The following GLG1 variants were observed in gnomAD, a reference collection of about 807,000 sequenced individuals.
GLG1 encodes Golgi apparatus protein 1.
In GLG1, 38 loss-of-function variants were observed where a neutral mutation model predicts 160.5. The ratio of observed to expected loss-of-function variants is 0.24; its 90% CI spans 0.18 to 0.31. GLG1 has a LOEUF of 0.31. Ranked by LOEUF, GLG1 falls within the 10% of genes least tolerant of loss-of-function variation. The probability of loss-of-function intolerance (pLI) is 1.00; values close to 1 mark genes in which losing one functional copy is unlikely to be tolerated. For synonymous variants in GLG1, 644 were observed against 543.4 expected, an observed-to-expected ratio of 1.19 and a Z score of -2.57; for missense variants, 1,373 against 1,505.2, an observed-to-expected ratio of 0.91 and a Z score of 1.45.
At chr16:74,503,351 G>C (rs2016480438) in intron 4 of GLG1, among the ~76,000 whole-genome samples, 180 bp downstream of exon 4, 1 of 152,080 alleles carries the variant, frequency 6.6e-6, no homozygotes, top group South Asian at 2.1e-4. Flanking sequence ...GAAAAATTTT[G>C]CTACAAACAC....
Position 74,448,147 on chromosome 16 carries a change from A to G in GLG1, c.*5020T>C, listed in dbSNP as rs145049454. On this transcript the variant is annotated 3_prime_UTR_variant, in exon 26 of 26. Transcript: ENST00000422840. ...ATGGCTTTGGGGAGCTCTTCACCCT[A>G]AAGATTCGGTCTGGTTTGCTAATGA... 73 of 152,330 alleles carry G rather than the reference A, an allele frequency of 4.8e-4. No homozygotes were observed. The highest frequency in any genetic ancestry group is 1.7e-3 in the African/African-American group (70 of 41,562). The allele number at this position is 152,330 out of a possible 1,614,324, so 9.4% of individuals were successfully genotyped here. A position where few individuals can be genotyped will look rare whatever the true frequency, so the allele number is the denominator to read the frequency against.
At chr16:74,504,816 G>T (rs1462889211) in intron 3 of GLG1, among the ~76,000 whole-genome samples, 1 of 152,148 alleles carries the variant, frequency 6.6e-6, no homozygotes, top group African/African-American at 2.4e-5. Flanking sequence ...GATTCTGCAT[G>T]GTGGTGTTCC....
intron 22 of GLG1, among the ~76,000 whole-genome samples, chr16:74,460,186 T>A (rs975398358): frequency 6.6e-6 from 1 of 152,188 alleles, no homozygotes; most frequent in African/African-American, 2.4e-5. Flanking sequence ...CATGCCCAGC[T>A]AATTTTGTAC....
intron 1 of GLG1, among the ~76,000 whole-genome samples, chr16:74,580,014 G>C (rs917892503): frequency 3.3e-5 from 5 of 152,154 alleles, no homozygotes; most frequent in Non-Finnish European, 7.3e-5. Context: ...AGTGAGCCAA[G>C]ATCCTGCCAC....
At chr16:74,500,139 G>A (rs2016353771) in intron 4 of GLG1, among the ~76,000 whole-genome samples, 1 of 152,122 alleles carries the variant, frequency 6.6e-6, no homozygotes, top group Non-Finnish European at 1.5e-5. Flanking sequence ...TAGTGCATTG[G>A]AGTTTATAAC....
chr16:74,522,466 G>C (rs1399499761), intron 2 of GLG1, among the ~76,000 whole-genome samples: 3 of 152,192 alleles, frequency 2.0e-5, no homozygotes, highest in Non-Finnish European at 4.4e-5. Context: ...TGATTACTAA[G>C]CGAAGTTAAG....
intron 4 of GLG1, among the ~76,000 whole-genome samples, chr16:74,501,468 G>A (rs879447338): frequency 3.3e-5 from 5 of 152,114 alleles, no homozygotes; most frequent in Non-Finnish European, 5.9e-5. Flanking sequence ...CAATCCTGTC[G>A]TGCCTTTTGG....
chr16:74,598,527 A>T (rs1410690287), intron 1 of GLG1, among the ~76,000 whole-genome samples: 2 of 151,388 alleles, frequency 1.3e-5, no homozygotes, highest in Non-Finnish European at 2.9e-5. Context: ...CTCAAAAAAA[A>T]AAAGAAAAAA....
chr16:74,522,189 G>C (rs1203447585), intron 2 of GLG1, among the ~76,000 whole-genome samples: 2 of 152,334 alleles, frequency 1.3e-5, no homozygotes, highest in Non-Finnish European at 2.9e-5. Flanking sequence ...AATGGGAAAA[G>C]GGCTTTGCTA....
chr16:74,602,768 G>A (rs555457154), intron 1 of GLG1, among the ~76,000 whole-genome samples: 12 of 150,956 alleles, frequency 7.9e-5, no homozygotes, highest in South Asian at 2.1e-4. Context: ...GGGTGACAGA[G>A]TGAGACTCTG....
intron 1 of GLG1, among the ~76,000 whole-genome samples, chr16:74,601,044 G>C (rs1958428439): frequency 6.6e-6 from 1 of 152,182 alleles, no homozygotes; most frequent in East Asian, 1.9e-4. Flanking sequence ...CTTCCAACCA[G>C]ACAGACAGCA....
At chr16:74,453,493 T>C (rs2014407814) in intron 25 of GLG1, among the ~76,000 whole-genome samples, 159 bp from the exon 26 acceptor site, 1 of 152,128 alleles carries the variant, frequency 6.6e-6, no homozygotes, top group African/African-American at 2.4e-5. Flanking sequence ...CTACAACTCT[T>C]TTTCCTGATC....
In GLG1 at chr16:74,480,343, G is replaced by A; in HGVS notation, c.1725C>T (p.Cys575=). The A allele has an allele frequency of 1.2e-6, 2 of 1,613,172 alleles. No individual in the cohort carries two copies. Among genetic ancestry groups the A allele is most frequent in the Non-Finnish European group, 1.7e-6 (2 of 1,179,118 alleles). ...RKCQGDASRL[C]HTHGWNETSE... is the part of the protein sequence containing the mutation. ...TGGTCTCATTCCAACCGTGGGTGTGGCAAAGACGAGAAGCGTCTCCCTGGC... is the reference window on the plus strand; with the variant it reads ...TGGTCTCATTCCAACCGTGGGTGTGACAAAGACGAGAAGCGTCTCCCTGGC... The change falls in exon 11 of 26, where the codon TGC becomes TGT. Residue 575 remains cysteine (C), a synonymous_variant. Coordinates refer to ENST00000422840, the MANE Select transcript of GLG1 (RefSeq NM_001145667.2).
intron 17 of GLG1, chr16:74,468,069 G>A (rs1449524097): frequency 2.1e-6 from 1 of 476,634 alleles, no homozygotes. Flanking sequence ...AGTCTACCCT[G>A]AAACACCTTA....
chr16:74,472,212 T>C, intron 14 of GLG1, 137 bp downstream of exon 14: 1 of 660,170 alleles, frequency 1.5e-6, no homozygotes, highest in African/African-American at 1.8e-5. Flanking sequence ...TTTACATTTT[T>C]AATTTTAACT....
intron 1 of GLG1, among the ~76,000 whole-genome samples, chr16:74,597,412 C>A (rs1958330727): frequency 1.5e-5 from 2 of 132,220 alleles, no homozygotes; most frequent in African/African-American, 2.9e-5. Context: ...GCCTGGATGA[C>A]AGAGTGAGAC....
At chr16:74,537,927 T>G (rs1399248630) in intron 1 of GLG1, among the ~76,000 whole-genome samples, 1 of 152,178 alleles carries the variant, frequency 6.6e-6, no homozygotes, top group African/African-American at 2.4e-5. Flanking sequence ...GAACTATGAT[T>G]TCCCCAAGGT....
intron 7 of GLG1, among the ~76,000 whole-genome samples, chr16:74,492,679 C>T (rs1462079610): frequency 6.6e-6 from 1 of 151,916 alleles, no homozygotes; most frequent in African/African-American, 2.4e-5. Flanking sequence ...ATTAGCCAGG[C>T]GCAGTGGCAC....
In GLG1 at chr16:74,453,289, T is replaced by A; in HGVS notation, c.3418A>T (p.Thr1140Ser). 1 of 1,613,770 alleles carries A rather than the reference T, an allele frequency of 6.2e-7. No individual in the cohort carries two copies. The highest frequency in any genetic ancestry group is 8.5e-7 in the Non-Finnish European group (1 of 1,179,710). Reference protein sequence around the residue: ...GFSDLAMQVMTSPSKNYILSV... With the variant: ...GFSDLAMQVMSSPSKNYILSV... The stretch of plus-strand genomic sequence containing the variant: ...AGAATGTAGTTCTTAGATGGAGACG[T>A]CATTACTTGCATGGCAAGATCAGAG... The change falls in exon 26 of 26, where the codon ACG (threonine) becomes TCG (serine). Residue 1140 changes from threonine (T) to serine (S), a missense_variant. Thr to Ser is a moderately conservative substitution (Grantham distance 58). Around this residue, in one of 4 missense-constraint regions of GLG1, gnomAD observed 491 missense variants for 632.1 expected, o/e 0.78. Transcript: ENST00000422840.
Sources: allele counts gnomAD v4.1 joint callset (sites outside exome capture counted in the v4.1 genomes callset), GRCh38; gene constraint gnomAD v4.1.1; regional missense constraint gnomAD v4.1.1; transcripts MANE v1.5; gene names NCBI Gene and HGNC (gene_info 2026-07-23, HGNC 2026-07-21).